C2CD5: variants seen among roughly 807,000 people sequenced by gnomAD.
The protein encoded by C2CD5 is C2 domain-containing protein 5.
A neutral mutation model predicts 130.3 loss-of-function variants in C2CD5; 109 were observed. The observed-to-expected ratio is 0.84, with a 90% confidence interval of 0.72 to 0.98. The LOEUF (loss-of-function observed/expected upper bound fraction) is 0.98. Among genes scored for constraint, C2CD5 ranks in the 50% least tolerant of loss-of-function variants. C2CD5 has a pLI of 0.00. For synonymous variants in C2CD5, 454 were observed against 429.2 expected, an observed-to-expected ratio of 1.06 and a Z score of -0.71; for missense variants, 996 against 1,261.8, an observed-to-expected ratio of 0.79 and a Z score of 3.19.
At chr12:22,478,975 G>T (rs1944295294) in intron 14 of C2CD5, among the ~76,000 whole-genome samples, 1 of 152,234 alleles carries the variant, frequency 6.6e-6, no homozygotes, top group South Asian at 2.1e-4. Flanking sequence ...AATAAGCGTT[G>T]GTTTCTTTTG....
At position 22,513,279 on chromosome 12, in the gene C2CD5, T is replaced by C. The variant is rs1949386806; in HGVS notation, c.1038+15A>G. ...ATTAACAGTGTAAGAACAAAGAATA[T>C]CAAGTGAATCTTACCCTCTGTTCCA... On this transcript the variant is annotated intron_variant, in intron 9 of 26. Transcript: ENST00000446597. The C allele has an allele frequency of 6.5e-7, 1 of 1,530,960 alleles. No individual in the cohort carries two copies. The highest frequency in any genetic ancestry group is 1.7e-5 in the Admixed American group (1 of 59,836). The allele number at this position is 1,530,960 out of a possible 1,614,324, so 94.8% of individuals were successfully genotyped here.
chr12:22,501,401 A>G (rs1565739253), intron 10 of C2CD5, among the ~76,000 whole-genome samples: 1 of 152,092 alleles, frequency 6.6e-6, no homozygotes, highest in Non-Finnish European at 1.5e-5. Flanking sequence ...TGACCAACAC[A>G]CATCTCACCC....
intron 6 of C2CD5, among the ~76,000 whole-genome samples, 193 bp downstream of exon 6, chr12:22,524,279 G>A (rs1484726157): frequency 6.6e-6 from 1 of 152,132 alleles, no homozygotes; most frequent in Admixed American, 6.6e-5. Context: ...TTTACTACAA[G>A]CTTCTGATTT....
chr12:22,474,299 G>T (rs964096574), intron 16 of C2CD5, among the ~76,000 whole-genome samples: 1 of 152,022 alleles, frequency 6.6e-6, no homozygotes, highest in Non-Finnish European at 1.5e-5. Context: ...AGTGTTCTTA[G>T]TATCTTTTTA....
chr12:22,523,716 A>G (rs982311097), intron 6 of C2CD5, 92 bp from the exon 7 acceptor site: 6 of 913,130 alleles, frequency 6.6e-6, no homozygotes, highest in African/African-American at 1.7e-5. Context: ...AAAAAAAAAG[A>G]CCAAGAAAAT....
intron 9 of C2CD5, chr12:22,512,610 CAAGA>C: frequency 7.3e-7 from 1 of 1,370,900 alleles, no homozygotes; most frequent in Non-Finnish European, 9.7e-7. Context: ...GCTATCAATA[CAAGA>C]AATAGGCTCT....
chr12:22,454,569 AT>A (rs5796959), intron 25 of C2CD5, among the ~76,000 whole-genome samples: 107,103 of 135,660 alleles, frequency 0.79, 43,099 homozygotes, highest in Non-Finnish European at 0.87. Flanking sequence ...CAGACTTTTC[AT>A]TTTTTTTTTT....
At chr12:22,518,465 C>T (rs1949973815) in intron 7 of C2CD5, among the ~76,000 whole-genome samples, 1 of 151,996 alleles carries the variant, frequency 6.6e-6, no homozygotes, top group Non-Finnish European at 1.5e-5. Context: ...CTGTAAGTTA[C>T]AAAAGAAAAA....
At chr12:22,454,367 A>G in intron 25 of C2CD5, among the ~76,000 whole-genome samples, 1 of 152,212 alleles carries the variant, frequency 6.6e-6, no homozygotes. Flanking sequence ...CTCCACCTTC[A>G]ACATCTCCAT....
At chr12:22,475,695 T>C (rs1163754290) in intron 15 of C2CD5, among the ~76,000 whole-genome samples, 3 of 152,324 alleles carry the variant, frequency 2.0e-5, no homozygotes, top group South Asian at 2.1e-4. Flanking sequence ...ATTGGTAGTA[T>C]GCACCTTAGA....
intron 13 of C2CD5, 117 bp downstream of exon 13, chr12:22,484,580 C>T: frequency 2.1e-6 from 1 of 467,418 alleles, no homozygotes; most frequent in Non-Finnish European, 3.8e-6. Context: ...GCAGAATTGT[C>T]CAGTTTGTGC....
chr12:22,462,807 C>T lies in C2CD5; in HGVS notation c.2534-3265G>A, dbSNP rs112442426. 9.1e-3 allele frequency among the ~76,000 whole-genome samples: 1,383 copies of T among 152,290 alleles called. 29 individuals carry two copies. Among genetic ancestry groups the T allele is most frequent in the African/African-American group, 0.032 (1,309 of 41,550 alleles). ...AGTACTAAGAAGTAGGACATTCTGG[C>T]CAGGGGCAGTGGTTCACACCTGTAA... is the stretch of plus-strand genomic sequence containing the variant. On this transcript the variant is annotated intron_variant, in intron 22 of 26. Coordinates refer to ENST00000446597, the MANE Select transcript of C2CD5 (RefSeq NM_001286176.2).
intron 22 of C2CD5, among the ~76,000 whole-genome samples, chr12:22,466,700 C>G (rs1241822289): frequency 6.6e-6 from 1 of 152,180 alleles, no homozygotes; most frequent in Non-Finnish European, 1.5e-5. Context: ...AAGCACGCAA[C>G]ACAAACCACA....
In C2CD5 at chr12:22,471,965, A is replaced by C. The variant is rs1565673301; in HGVS notation, c.2268+2T>G. 1 of 1,559,242 alleles carries C rather than the reference A, an allele frequency of 6.4e-7. No homozygotes were observed. The highest frequency in any genetic ancestry group is 1.7e-5 in the Admixed American group (1 of 59,742). On this transcript the variant is annotated splice_donor_variant, in intron 19 of 26. Transcript: ENST00000446597. LOFTEE classifies it high-confidence loss of function. ...AATAAAATTTAGTCAGAAGGTTCCTACCTTGAGCAAATTTTCACAGAGATC... is the reference window on the plus strand; with the variant it reads ...AATAAAATTTAGTCAGAAGGTTCCTCCCTTGAGCAAATTTTCACAGAGATC...
rs1175861995 is a variant in C2CD5 at position 22,544,260 on chromosome 12, G to T, written c.-30+60C>A. The T allele has an allele frequency of 1.0e-5, 11 of 1,051,308 alleles. 1 individual carries two copies. The South Asian group carries it at 1.3e-4, about 13-fold the overall frequency. The allele number at this position is 1,051,308 out of a possible 1,614,324, so 65.1% of individuals were successfully genotyped here. On this transcript the variant is annotated intron_variant, in intron 1 of 26. Coordinates refer to ENST00000446597, the MANE Select transcript of C2CD5 (RefSeq NM_001286176.2). ...GGAGGCGCGCGGGGTAACTGACAGC[G>T]AAGGAGCGCGCGGGGGCGCGCGCGG...
chr12:22,492,694 A>C (rs568512138), intron 11 of C2CD5, among the ~76,000 whole-genome samples: 1 of 152,188 alleles, frequency 6.6e-6, no homozygotes, highest in African/African-American at 2.4e-5. Flanking sequence ...GGGAAGGAGA[A>C]AAAGGAATTG....
At chr12:22,512,482 A>AATCTTAAAATTACTG (rs1949291878) in intron 9 of C2CD5, among the ~76,000 whole-genome samples, 1 of 143,296 alleles carries the variant, frequency 7.0e-6, no homozygotes, top group African/African-American at 3.0e-5. Context: ...TAGAAAAAAG[A>AATCTTAAAATTACTG]ACATGAGTCT....
At chr12:22,493,143 T>C in intron 11 of C2CD5, 80 bp downstream of exon 11, 1 of 796,522 alleles carries the variant, frequency 1.3e-6, no homozygotes, top group Non-Finnish European at 2.0e-6. Context: ...TCTCTTTTCT[T>C]TTATTTGCAT....
chr12:22,535,059 A>C (rs10842034), intron 3 of C2CD5, 199 bp downstream of exon 3: 45,930 of 449,654 alleles, frequency 0.1, 5,286 homozygotes, highest in African/African-American at 0.41. Context: ...TTCTTTTGTT[A>C]ATGTGTTATC....
Sources: gnomAD v4.1 joint callset for allele counts (sites outside exome capture counted in the v4.1 genomes callset) on GRCh38, gnomAD v4.1.1 for gene constraint, MANE v1.5 for transcripts, NCBI Gene and HGNC (gene_info 2026-07-23, HGNC 2026-07-21) for gene names.